Variants in MYO16 observed in about 807,000 individuals in gnomAD.
MYO16 encodes the protein myosin XVI.
In MYO16, 94 loss-of-function variants were observed where a neutral mutation model predicts 205.3. That is an observed-to-expected ratio of 0.46 (90% confidence interval 0.39 to 0.54). The LOEUF (loss-of-function observed/expected upper bound fraction) is 0.54, where lower values mean the gene tolerates loss of function less well. Ranked by LOEUF, MYO16 falls within the 20% of genes least tolerant of loss-of-function variation. The pLI is 0.00. For missense variants in MYO16, 2,315 were observed against 2,387.5 expected (o/e 0.97, Z 0.63); for synonymous variants, 988 against 954.0 (o/e 1.04, Z -0.66).
intron 21 of MYO16, among the ~76,000 whole-genome samples, chr13:109,007,084 G>C (rs1661468253): frequency 6.6e-6 from 1 of 152,072 alleles, no homozygotes; most frequent in African/African-American, 2.4e-5. Context: ...TTGAACATTG[G>C]ATTTAGAAAT....
In MYO16 at chr13:109,078,840, T is replaced by A. The variant is rs184635092; in HGVS notation, c.3336-21945T>A. Among the ~76,000 whole-genome samples, 187 of 152,322 alleles carry A rather than the reference T, an allele frequency of 1.2e-3. 1 individual carries two copies. The highest frequency in any genetic ancestry group is 4.3e-3 in the African/African-American group (179 of 41,584). On this transcript the variant is annotated intron_variant, in intron 27 of 34. Transcript: ENST00000457511. The stretch of plus-strand genomic sequence containing the variant: ...AGTGCCCATGAATTACACAGTTTTT[T>A]ACTCTGGCAGATGGGAACAGCCCTT...
chr13:109,063,569 G>GA (rs1208487225), intron 27 of MYO16, among the ~76,000 whole-genome samples: 1 of 152,188 alleles, frequency 6.6e-6, no homozygotes, highest in Non-Finnish European at 1.5e-5. Flanking sequence ...ACTGGCACAA[G>GA]AATGTGGCTG....
intron 2 of MYO16, among the ~76,000 whole-genome samples, chr13:108,701,489 A>G (rs1034417169): frequency 6.6e-5 from 10 of 152,170 alleles, no homozygotes; most frequent in African/African-American, 2.4e-4. Context: ...TGGATGACCC[A>G]GCAAGAAAGT....
intron 4 of MYO16, among the ~76,000 whole-genome samples, chr13:108,781,030 T>C (rs1443032279): frequency 6.6e-6 from 1 of 152,232 alleles, no homozygotes; most frequent in African/African-American, 2.4e-5. Context: ...TCTTTCTAAG[T>C]GTACATCTCT....
At chr13:109,197,189 C>T (rs1880196371) in intron 34 of MYO16, among the ~76,000 whole-genome samples, 1 of 152,170 alleles carries the variant, frequency 6.6e-6, no homozygotes, top group South Asian at 2.1e-4. Flanking sequence ...AGCATGGGAC[C>T]ACCCACACCC....
chr13:108,933,747 C>G (rs1882361659), intron 16 of MYO16, among the ~76,000 whole-genome samples: 1 of 152,094 alleles, frequency 6.6e-6, no homozygotes, highest in African/African-American at 2.4e-5. Flanking sequence ...GCTCTTTCCC[C>G]TATACCTTCC....
chr13:109,009,237 A>G (rs1203539811), intron 22 of MYO16, among the ~76,000 whole-genome samples, 188 bp downstream of exon 22: 1 of 152,220 alleles, frequency 6.6e-6, no homozygotes, highest in Non-Finnish European at 1.5e-5. Context: ...AGGATCACCA[A>G]TTCATTAAAA....
In MYO16 at chr13:109,184,750, C is replaced by A. The variant is rs143601196; in HGVS notation, c.5415+5117C>A. On this transcript the variant is annotated intron_variant, in intron 34 of 34. Transcript: ENST00000457511. ...TAGTTGGGATTACAGGCGCGTGCCA[C>A]CACACTTGGCTAATTTTTTTCTTTT... 4.7e-4 allele frequency among the ~76,000 whole-genome samples: 71 copies of A among 151,916 alleles called. No homozygotes were observed. In the East Asian group the frequency reaches 0.013, roughly 27 times the overall value.
rs184242268 is a variant in MYO16 at position 109,023,722 on chromosome 13, T to C, written c.2796+3811T>C. Among the ~76,000 whole-genome samples, 651 of 129,894 alleles carry C rather than the reference T, an allele frequency of 5.0e-3. 19 individuals are homozygous for C. The highest frequency in any genetic ancestry group is 0.018 in the African/African-American group (594 of 33,636). 85.2% of individuals were successfully genotyped at this position (129,894 alleles called of 152,430 possible). A position where few individuals can be genotyped will look rare whatever the true frequency, so the allele number is the denominator to read the frequency against. On this transcript the variant is annotated intron_variant, in intron 23 of 34. Coordinates refer to ENST00000457511, the MANE Select transcript of MYO16 (RefSeq NM_001198950.3). ...ATATATGTATATATACAAATATATG[T>C]ATATATGCATATATACATATATACG...
intron 31 of MYO16, among the ~76,000 whole-genome samples, chr13:109,137,508 T>C (rs754290856): frequency 5.9e-5 from 9 of 152,252 alleles, no homozygotes; most frequent in Non-Finnish European, 1.3e-4. Flanking sequence ...GCTCAGGGGC[T>C]GCTATGTTTT....
At chr13:108,738,395 C>T (rs1282729872) in intron 4 of MYO16, among the ~76,000 whole-genome samples, 1 of 130,094 alleles carries the variant, frequency 7.7e-6, no homozygotes, top group African/African-American at 2.7e-5. Context: ...GTTATGTACC[C>T]AGTAGTCATT....
chr13:108,997,658 G>A (rs1885077071), intron 21 of MYO16, among the ~76,000 whole-genome samples: 1 of 152,086 alleles, frequency 6.6e-6, no homozygotes, highest in African/African-American at 2.4e-5. Flanking sequence ...GGCCAACATG[G>A]TGAAACCCCA....
At chr13:108,851,593 A>G (rs1158131495) in intron 10 of MYO16, among the ~76,000 whole-genome samples, 1 of 152,184 alleles carries the variant, frequency 6.6e-6, no homozygotes, top group Non-Finnish European at 1.5e-5. Flanking sequence ...GAAAACCTTC[A>G]ATCTTGTCTA....
chr13:108,963,123 G>C (rs1391063342), intron 19 of MYO16, among the ~76,000 whole-genome samples: 2 of 152,212 alleles, frequency 1.3e-5, no homozygotes, highest in East Asian at 3.8e-4. Context: ...AGTGAACAAA[G>C]AGAGTGGTTT....
At chr13:109,173,951 G>GGA (rs200190426) in intron 33 of MYO16, among the ~76,000 whole-genome samples, 2 of 148,040 alleles carry the variant, frequency 1.4e-5, no homozygotes, top group South Asian at 4.4e-4. Flanking sequence ...TTTTGATGGG[G>GGA]GGGGGTACTC....
chr13:108,684,737 G>C (rs1044252650), intron 2 of MYO16, among the ~76,000 whole-genome samples: 1 of 152,112 alleles, frequency 6.6e-6, no homozygotes, highest in Non-Finnish European at 1.5e-5. Flanking sequence ...GTTAATAAGC[G>C]AACATGCCTA....
intron 17 of MYO16, among the ~76,000 whole-genome samples, chr13:108,958,876 TATA>T (rs1359304879): frequency 6.6e-6 from 1 of 152,198 alleles, no homozygotes; most frequent in African/African-American, 2.4e-5. Flanking sequence ...GAATATTTAA[TATA>T]ATATCACAGG....
intron 31 of MYO16, among the ~76,000 whole-genome samples, chr13:109,134,358 T>C (rs1876674844): frequency 6.6e-6 from 1 of 152,248 alleles, no homozygotes; most frequent in African/African-American, 2.4e-5. Context: ...GAGGGAATAC[T>C]GTACCAGTTA....
At chr13:109,115,482 T>C (rs1426273548) in intron 28 of MYO16, among the ~76,000 whole-genome samples, 1 of 152,180 alleles carries the variant, frequency 6.6e-6, no homozygotes, top group African/African-American at 2.4e-5. Flanking sequence ...CATCTAGCAG[T>C]GCACAGGGAG....
Sources: allele counts gnomAD v4.1 joint callset (sites outside exome capture counted in the v4.1 genomes callset), GRCh38; gene constraint gnomAD v4.1.1; transcripts MANE v1.5; gene names NCBI Gene and HGNC (gene_info 2026-07-23, HGNC 2026-07-21).